Variants in SPATS2 observed in about 807,000 individuals in gnomAD.
The protein encoded by SPATS2 is spermatogenesis associated serine rich 2.
SPATS2 carries 38 observed loss-of-function variants against 63.7 expected under a neutral mutation model. That is an observed-to-expected ratio of 0.60 (90% CI 0.46 to 0.78). The LOEUF (loss-of-function observed/expected upper bound fraction) is 0.78, where lower values mean the gene tolerates loss of function less well. SPATS2 is among the 30% of genes least tolerant of loss of function. The pLI is 0.00. For missense variants in SPATS2, 588 were observed against 666.2 expected, an observed-to-expected ratio of 0.88 and a Z score of 1.29; for synonymous variants, 207 against 232.9, an observed-to-expected ratio of 0.89 and a Z score of 1.01.
chr12:49,498,143 A>AT (rs1307387821), intron 8 of SPATS2, among the ~76,000 whole-genome samples: 9,691 of 94,414 alleles, frequency 0.1, 417 homozygotes, highest in Non-Finnish European at 0.13. Context: ...AAAAAAAAAA[A>AT]AAATATATAT....
At chr12:49,404,399 G>A (rs566582077) in intron 2 of SPATS2, among the ~76,000 whole-genome samples, 2 of 150,754 alleles carry the variant, frequency 1.3e-5, no homozygotes, top group African/African-American at 4.9e-5. Context: ...CGATCCTTCC[G>A]CCTCAGTCTC....
At chr12:49,493,045 C>A (rs1198317339) in intron 6 of SPATS2, among the ~76,000 whole-genome samples, 1 of 150,354 alleles carries the variant, frequency 6.7e-6, no homozygotes, top group East Asian at 2.0e-4. Context: ...TTGCAGTGAG[C>A]CGAGATTGCA....
chr12:49,442,902 C>T (rs566482421), intron 2 of SPATS2, among the ~76,000 whole-genome samples: 4 of 150,408 alleles, frequency 2.7e-5, no homozygotes, highest in African/African-American at 7.3e-5. Flanking sequence ...TAAACATCCT[C>T]ACTCTCTCCT....
intron 2 of SPATS2, among the ~76,000 whole-genome samples, chr12:49,436,962 AC>A (rs1359360978): frequency 2.3e-5 from 3 of 128,438 alleles, no homozygotes; most frequent in Admixed American, 2.3e-4. Flanking sequence ...CAGGGGGCTA[AC>A]CCCCCCACCT....
rs112992424 is a variant in SPATS2 at position 49,497,555 on chromosome 12, C to T, written c.703+546C>T. Among the ~76,000 whole-genome samples the T allele has an allele frequency of 1.0e-2, 1,517 of 152,066 alleles. 14 individuals carry two copies. Among genetic ancestry groups the T allele is most frequent in the Middle Eastern group, 0.017 (5 of 294 alleles). On this transcript the variant is annotated intron_variant, in intron 8 of 13. Coordinates refer to ENST00000552918, the MANE Select transcript of SPATS2 (RefSeq NM_023071.4). Reference sequence around the variant, plus strand: ...GACTACAGGCGAGTGCCACCATGCCCGGCTATTTTTTTGTATTTTTAGTAG... The same window carrying T: ...GACTACAGGCGAGTGCCACCATGCCTGGCTATTTTTTTGTATTTTTAGTAG...
chr12:49,423,166 T>C (rs1945013522), intron 2 of SPATS2, among the ~76,000 whole-genome samples: 1 of 151,766 alleles, frequency 6.6e-6, no homozygotes, highest in African/African-American at 2.4e-5. Context: ...AGATGAAGTC[T>C]CTGTTGCCCA....
chr12:49,399,671 C>T (rs1201577332), intron 2 of SPATS2, among the ~76,000 whole-genome samples: 1 of 152,076 alleles, frequency 6.6e-6, no homozygotes, highest in South Asian at 2.1e-4. Context: ...TGGTAGTGCC[C>T]CAGGTGCTTG....
chr12:49,494,668 G>C (rs1013901497), intron 6 of SPATS2, 73 bp from the exon 7 acceptor site: 6 of 1,408,972 alleles, frequency 4.3e-6, no homozygotes, highest in Non-Finnish European at 5.6e-6. Flanking sequence ...TGGGTAGCTA[G>C]AGTTACCTCT....
At chr12:49,461,970 G>T (rs1275429512) in intron 3 of SPATS2, among the ~76,000 whole-genome samples, 1 of 151,994 alleles carries the variant, frequency 6.6e-6, no homozygotes, top group Non-Finnish European at 1.5e-5. Flanking sequence ...TTTTTTCTTA[G>T]TTGTTATAAT....
At chr12:49,483,030 C>T (rs976806064) in intron 3 of SPATS2, among the ~76,000 whole-genome samples, 1 of 150,478 alleles carries the variant, frequency 6.6e-6, no homozygotes, top group Non-Finnish European at 1.5e-5. Flanking sequence ...CTCAAGCGAT[C>T]CACCTGCCTT....
At chr12:49,398,872 G>A (rs1284979896) in intron 2 of SPATS2, among the ~76,000 whole-genome samples, 1 of 152,120 alleles carries the variant, frequency 6.6e-6, no homozygotes, top group Non-Finnish European at 1.5e-5. Flanking sequence ...TTAGGTAATA[G>A]GGAGCTTGTT....
chr12:49,476,484 C>G (rs1363794192), intron 3 of SPATS2, among the ~76,000 whole-genome samples: 2 of 152,090 alleles, frequency 1.3e-5, no homozygotes, highest in African/African-American at 4.8e-5. Flanking sequence ...TCCCTCTGTC[C>G]CTGTGATAAG....
At position 49,442,785 on chromosome 12, in the gene SPATS2, T is replaced by TAAAAAA. The variant is rs1945442679; in HGVS notation, c.-243-17985_-243-17984insAAAAAA. ...GGCAACAGAGAGAGACCATGTCTCC[T>TAAAAAA]TAAAAAAAAAAAAAAAAAAAAAAAA... On this transcript the variant is annotated intron_variant, in intron 2 of 13. Coordinates refer to ENST00000552918, the MANE Select transcript of SPATS2 (RefSeq NM_023071.4). The TAAAAAA allele has an allele frequency of 1.1e-4, 7 of 62,920 alleles. 1 individual carries two copies. Among genetic ancestry groups the TAAAAAA allele is most frequent in the African/African-American group, 2.5e-4 (6 of 23,830 alleles). 3.9% of individuals were successfully genotyped at this position (62,920 alleles called of 1,614,324 possible).
chr12:49,510,809 A>G (rs916593992), intron 9 of SPATS2, among the ~76,000 whole-genome samples: 3 of 152,226 alleles, frequency 2.0e-5, no homozygotes, highest in Admixed American at 1.3e-4. Flanking sequence ...TGCATGTTAG[A>G]TATCTGTATA....
chr12:49,448,314 T>C (rs1167091990), intron 2 of SPATS2, among the ~76,000 whole-genome samples: 2 of 151,814 alleles, frequency 1.3e-5, no homozygotes, highest in Non-Finnish European at 2.9e-5. Flanking sequence ...ATTTTTTTTG[T>C]ATTTTTAGTA....
chr12:49,467,360 C>G (rs756875188), intron 3 of SPATS2, among the ~76,000 whole-genome samples: 9 of 152,014 alleles, frequency 5.9e-5, no homozygotes, highest in Non-Finnish European at 1.2e-4. Context: ...CTGCGCCTGT[C>G]CCAGATATGT....
chr12:49,520,098 G>A (rs1230645213), intron 11 of SPATS2, among the ~76,000 whole-genome samples: 2 of 152,014 alleles, frequency 1.3e-5, no homozygotes, highest in African/African-American at 4.8e-5. Context: ...TCCTGCCTCA[G>A]CCTCCCAAGT....
intron 3 of SPATS2, among the ~76,000 whole-genome samples, chr12:49,472,838 G>A (rs988942051): frequency 5.3e-5 from 8 of 150,536 alleles, no homozygotes; most frequent in African/African-American, 1.5e-4. Context: ...TCTGGAGTTC[G>A]AGACCAGCCT....
intron 2 of SPATS2, among the ~76,000 whole-genome samples, chr12:49,388,881 A>G (rs969581930): frequency 6.6e-6 from 1 of 151,474 alleles, no homozygotes; most frequent in Non-Finnish European, 1.5e-5. Context: ...TTTTGTAGAG[A>G]TGGGATCTCA....
Sources: gnomAD v4.1 joint callset for allele counts (sites outside exome capture counted in the v4.1 genomes callset) on GRCh38, gnomAD v4.1.1 for gene constraint, MANE v1.5 for transcripts, NCBI Gene and HGNC (gene_info 2026-07-23, HGNC 2026-07-21) for gene names.